CSMD3: variants seen among roughly 807,000 people sequenced by gnomAD.
The protein encoded by CSMD3 is CUB and Sushi multiple domains 3, also known as CUB and sushi domain-containing protein 3.
In CSMD3, 177 loss-of-function variants were observed where a neutral mutation model predicts 435.2. The observed-to-expected ratio is 0.41, with a 90% CI of 0.36 to 0.46. The LOEUF (loss-of-function observed/expected upper bound fraction) is 0.46, where lower values mean the gene tolerates loss of function less well. Among genes scored for constraint, CSMD3 ranks in the 20% least tolerant of loss-of-function variants. CSMD3 has a pLI of 0.34. For synonymous variants in CSMD3, 1,656 were observed against 1,520.5 expected, an observed-to-expected ratio of 1.09 and a Z score of -2.07; for missense variants, 4,265 against 4,504.6, an observed-to-expected ratio of 0.95 and a Z score of 1.52.
At chr8:112,570,454 T>TTCTTG (rs1829413423) in intron 24 of CSMD3, among the ~76,000 whole-genome samples, 1 of 152,212 alleles carries the variant, frequency 6.6e-6, no homozygotes, top group Non-Finnish European at 1.5e-5. Flanking sequence ...AGAATCAGGA[T>TTCTTG]AAGCATTCAT....
chr8:112,586,940 G>T (rs1830777141), intron 23 of CSMD3, 126 bp downstream of exon 23: 6 of 544,082 alleles, frequency 1.1e-5, no homozygotes, highest in South Asian at 2.9e-5. Flanking sequence ...ATGTGTGAAT[G>T]GTAGAATCAA....
chr8:112,249,787 C>G (rs758193324), intron 63 of CSMD3, among the ~76,000 whole-genome samples: 1 of 151,986 alleles, frequency 6.6e-6, no homozygotes, highest in Non-Finnish European at 1.5e-5. Flanking sequence ...GCATGGAATG[C>G]CTCTCCCAAC....
chr8:112,637,041 G>C, intron 21 of CSMD3, 36 bp from the exon 22 acceptor site: 1 of 1,523,138 alleles, frequency 6.6e-7, no homozygotes, highest in Non-Finnish European at 9.1e-7. Flanking sequence ...CCGCGGGGGA[G>C]GAAAGGACAA....
At chr8:112,795,657 G>A (rs1430879133) in intron 13 of CSMD3, among the ~76,000 whole-genome samples, 2 of 152,072 alleles carry the variant, frequency 1.3e-5, no homozygotes, top group Non-Finnish European at 2.9e-5. Flanking sequence ...GGGAATTCAA[G>A]AACGCACCTG....
At chr8:112,403,787 G>T (rs1831535667) in intron 35 of CSMD3, among the ~76,000 whole-genome samples, 1 of 151,992 alleles carries the variant, frequency 6.6e-6, no homozygotes, top group Admixed American at 6.6e-5. Flanking sequence ...GTGAGGGAGA[G>T]AATAAATATT....
rs527818471 is a variant in CSMD3, at chr8:112,279,626, C to T, written c.9508+1548G>A. On this transcript the variant is annotated intron_variant, in intron 59 of 70. Coordinates refer to ENST00000297405, the MANE Select transcript of CSMD3 (RefSeq NM_198123.2). ...ATCATATAACACCTACTGAAGGAAACAACTATTGTTCCTACTGCCTTCCCT... is the reference window on the plus strand; with the variant it reads ...ATCATATAACACCTACTGAAGGAAATAACTATTGTTCCTACTGCCTTCCCT... 2.0e-5 allele frequency among the ~76,000 whole-genome samples: 3 copies of T among 152,158 alleles called. No homozygotes were observed. The South Asian group carries it at 6.2e-4, about 32-fold the overall frequency.
At chr8:113,412,338 T>G (rs2094563382) in intron 1 of CSMD3, among the ~76,000 whole-genome samples, 1 of 152,104 alleles carries the variant, frequency 6.6e-6, no homozygotes, top group Non-Finnish European at 1.5e-5. Context: ...TCTTGTCTTC[T>G]CTACATGGGA....
chr8:112,521,999 A>C (rs547566436), intron 27 of CSMD3, among the ~76,000 whole-genome samples: 26 of 151,902 alleles, frequency 1.7e-4, no homozygotes, highest in African/African-American at 6.3e-4. Flanking sequence ...CATTAGCAAA[A>C]ATATAAAATC....
At chr8:112,696,186 G>A (rs932999129) in intron 13 of CSMD3, among the ~76,000 whole-genome samples, 1 of 152,112 alleles carries the variant, frequency 6.6e-6, no homozygotes, top group African/African-American at 2.4e-5. Flanking sequence ...TCCTCATCAA[G>A]CTACCAATGA....
At chr8:112,546,741 C>T (rs563051754) in intron 27 of CSMD3, among the ~76,000 whole-genome samples, 10 of 152,094 alleles carry the variant, frequency 6.6e-5, no homozygotes, top group Admixed American at 2.6e-4. Context: ...CATAGGACAG[C>T]GTGAAGTGGC....
chr8:112,341,639 A>C lies in CSMD3; in HGVS notation c.6490T>G (p.Tyr2164Asp). The C allele has an allele frequency of 6.2e-7, 1 of 1,613,316 alleles. No homozygotes were observed. The change falls in exon 42 of 71, where the codon TAT becomes GAT. Residue 2164 changes from tyrosine (Y) to aspartate (D), a missense_variant. Tyr to Asp is a radical substitution (Grantham distance 160, BLOSUM62 -3). This residue lies in a region of CSMD3 where 3,255 missense variants were observed against 3,380.2 expected (regional missense o/e 0.96). Coordinates refer to ENST00000297405, the MANE Select transcript of CSMD3 (RefSeq NM_198123.2). ...VNFSTETIHD[Y>D]LEVRSGSSET... is the part of the protein sequence containing the mutation. ...GAGGATCCACTTCGTACTTCCAAAT[A>C]ATCATGTATGGTTTCTGTAGAAAAA...
intron 7 of CSMD3, among the ~76,000 whole-genome samples, chr8:112,960,831 A>G (rs2084199064): frequency 6.6e-6 from 1 of 151,816 alleles, no homozygotes; most frequent in Admixed American, 6.6e-5. Context: ...AATAGTATAT[A>G]TTCATTTTTA....
chr8:112,954,616 C>T (rs1047939198), intron 8 of CSMD3, 68 bp downstream of exon 8: 3 of 983,142 alleles, frequency 3.1e-6, no homozygotes, highest in Admixed American at 1.8e-5. Flanking sequence ...AAAACACATA[C>T]AAACAACACA....
At chr8:112,304,526 T>C (rs1448184271) in intron 52 of CSMD3, among the ~76,000 whole-genome samples, 195 bp downstream of exon 52, 1 of 152,144 alleles carries the variant, frequency 6.6e-6, no homozygotes, top group Non-Finnish European at 1.5e-5. Flanking sequence ...AAGCCCATGT[T>C]TTTCTATTTG....
chr8:113,110,376 A>T (rs2090602642), intron 4 of CSMD3, among the ~76,000 whole-genome samples: 1 of 152,228 alleles, frequency 6.6e-6, no homozygotes, highest in Non-Finnish European at 1.5e-5. Context: ...CACTTTGCTT[A>T]GAAATTTCTC....
chr8:112,446,104 C>T (rs983697128), intron 32 of CSMD3, among the ~76,000 whole-genome samples: 2 of 152,094 alleles, frequency 1.3e-5, no homozygotes, highest in Non-Finnish European at 2.9e-5. Context: ...CAATGAACAT[C>T]CATGATAACA....
Position 112,598,111 on chromosome 8 carries a change from A to G in CSMD3, c.3716-10876T>C, listed in dbSNP as rs1325276517. Among the ~76,000 whole-genome samples the G allele has an allele frequency of 3.4e-5, 5 of 147,762 alleles. No homozygotes were observed. In the East Asian group the frequency reaches 9.9e-4, roughly 29 times the overall value. On this transcript the variant is annotated intron_variant, in intron 22 of 70. Transcript: ENST00000297405. ...TTGCAGATGACATGATTGTATATCT[A>G]GAAAACCCCATTGTCTCAGCCCAAA...
At chr8:113,279,753 C>T (rs775856760) in intron 2 of CSMD3, among the ~76,000 whole-genome samples, 1 of 151,312 alleles carries the variant, frequency 6.6e-6, no homozygotes, top group Non-Finnish European at 1.5e-5. Context: ...TCTTGTAATA[C>T]GTTGTATAAT....
chr8:112,790,142 A>T (rs2078650084), intron 13 of CSMD3, among the ~76,000 whole-genome samples: 1 of 151,798 alleles, frequency 6.6e-6, no homozygotes, highest in East Asian at 1.9e-4. Flanking sequence ...ATAGTATAGG[A>T]TCTCTGTTTA....
Sources: gnomAD v4.1 joint callset for allele counts (sites outside exome capture counted in the v4.1 genomes callset) on GRCh38, gnomAD v4.1.1 for gene constraint, gnomAD v4.1.1 regional missense constraint, MANE v1.5 for transcripts, NCBI Gene and HGNC (gene_info 2026-07-23, HGNC 2026-07-21) for gene names.